The following THADA variants were observed in gnomAD, a reference collection of about 807,000 sequenced individuals.
THADA encodes the protein THADA armadillo repeat containing.
THADA carries 213 observed loss-of-function variants against 219.8 expected under a neutral mutation model. The observed-to-expected ratio is 0.97, with a 90% CI of 0.87 to 1.09. The LOEUF is 1.09. Among genes scored for constraint, THADA ranks in the 50% least tolerant of loss-of-function variants. The pLI is 0.00. For missense variants in THADA, 2,956 were observed against 2,311.3 expected, an observed-to-expected ratio of 1.28 and a Z score of -5.72; for synonymous variants, 1,018 against 828.9, an observed-to-expected ratio of 1.23 and a Z score of -3.92.
At chr2:43,380,409 T>A (rs1398363912) in intron 29 of THADA, among the ~76,000 whole-genome samples, 1 of 152,096 alleles carries the variant, frequency 6.6e-6, no homozygotes, top group Non-Finnish European at 1.5e-5. Context: ...AATAAATAAA[T>A]GAGTAGTAGA....
In THADA at chr2:43,323,404, A is replaced by AC. The variant is rs1166572175; in HGVS notation, c.4344-2865dup. On this transcript the variant is annotated intron_variant, in intron 30 of 37. Transcript: ENST00000405975. ...TGCCCCTATCTTTTGTCTCTAGTTT[A>AC]CCCTGGGACTCTCAATCGTAACTTT... Among the ~76,000 whole-genome samples the AC allele has an allele frequency of 2.6e-5, 4 of 152,188 alleles. 1 individual carries two copies. Among genetic ancestry groups the AC allele is most frequent in the African/African-American group, 9.6e-5 (4 of 41,514 alleles).
chr2:43,533,815 G>C (rs2103766994), intron 21 of THADA, among the ~76,000 whole-genome samples: 1 of 152,128 alleles, frequency 6.6e-6, no homozygotes, highest in African/African-American at 2.4e-5. Context: ...CTAGATGACA[G>C]GTTGATAGGT....
At chr2:43,528,641 T>C (rs1217460971) in intron 21 of THADA, among the ~76,000 whole-genome samples, 1 of 152,194 alleles carries the variant, frequency 6.6e-6, no homozygotes, top group Non-Finnish European at 1.5e-5. Flanking sequence ...ACTGCTACAC[T>C]AGAACTGCCT....
rs1667389404 is a variant in THADA, at chr2:43,231,326, CAGGT to C, written c.5480_5483del (p.Tyr1827CysfsTer14). On this transcript the variant is annotated frameshift_variant, in exon 38 of 38. Transcript: ENST00000405975. LOFTEE classifies it low-confidence loss of function (END_TRUNC). The stretch of plus-strand genomic sequence containing the variant: ...AAAAGTTGACTTCTGCTTTTTCAAA[CAGGT>C]AGTCTTCTTCCACCTAAATCAGATG... 6.4e-7 allele frequency: 1 copy of C among 1,551,552 alleles called. No individual in the cohort carries two copies. Among genetic ancestry groups the C allele is most frequent in the Non-Finnish European group, 8.7e-7 (1 of 1,153,498 alleles).
intron 11 of THADA, among the ~76,000 whole-genome samples, chr2:43,573,979 TA>T (rs1247282575): frequency 3.3e-5 from 5 of 152,234 alleles, no homozygotes; most frequent in African/African-American, 9.6e-5. Flanking sequence ...ACACAATTTT[TA>T]ATTATTGTCT....
chr2:43,586,076 G>A (rs1399228405), intron 7 of THADA, among the ~76,000 whole-genome samples: 1 of 151,946 alleles, frequency 6.6e-6, no homozygotes, highest in Non-Finnish European at 1.5e-5. Context: ...ACCAGCCTGG[G>A]CAACATAGTG....
intron 28 of THADA, among the ~76,000 whole-genome samples, chr2:43,412,434 C>T (rs1485599119): frequency 6.6e-6 from 1 of 152,138 alleles, no homozygotes; most frequent in Non-Finnish European, 1.5e-5. Flanking sequence ...ATTAAACAAT[C>T]TGGATCACTT....
chr2:43,271,846 C>T (rs185154776), intron 36 of THADA, among the ~76,000 whole-genome samples: 13 of 152,276 alleles, frequency 8.5e-5, no homozygotes, highest in Admixed American at 4.6e-4. Context: ...AACTCCTGAC[C>T]TCAGGTGATC....
intron 7 of THADA, among the ~76,000 whole-genome samples, chr2:43,586,194 G>A (rs1701006793): frequency 6.6e-6 from 1 of 152,142 alleles, no homozygotes; most frequent in Non-Finnish European, 1.5e-5. Flanking sequence ...GAGCCCAGGA[G>A]GTTGAGGCTG....
chr2:43,441,741 C>A (rs1680869478), intron 26 of THADA, among the ~76,000 whole-genome samples: 1 of 152,198 alleles, frequency 6.6e-6, no homozygotes, highest in Non-Finnish European at 1.5e-5. Flanking sequence ...GGTCTGTAAT[C>A]TAGCCTTACT....
intron 21 of THADA, among the ~76,000 whole-genome samples, chr2:43,534,848 T>G (rs1694341703): frequency 6.6e-6 from 1 of 152,150 alleles, no homozygotes. Context: ...TCCTTCTCCT[T>G]GGATAAATGC....
chr2:43,234,304 G>A (rs1262101575), intron 36 of THADA, among the ~76,000 whole-genome samples: 2 of 152,220 alleles, frequency 1.3e-5, no homozygotes, highest in South Asian at 2.1e-4. Context: ...AGTAGGGCCA[G>A]GACTATTCAG....
intron 26 of THADA, among the ~76,000 whole-genome samples, chr2:43,452,200 A>G (rs1211450594): frequency 6.6e-6 from 1 of 152,206 alleles, no homozygotes; most frequent in East Asian, 1.9e-4. Context: ...CAATATTCTC[A>G]AATAATTTTT....
intron 26 of THADA, among the ~76,000 whole-genome samples, chr2:43,458,514 A>G (rs1425346889): frequency 3.9e-5 from 6 of 152,204 alleles, no homozygotes; most frequent in Non-Finnish European, 7.3e-5. Context: ...CAAATGAGAT[A>G]AGAGATCTGC....
intron 22 of THADA, among the ~76,000 whole-genome samples, chr2:43,526,729 T>C (rs1693215196): frequency 6.6e-6 from 1 of 152,316 alleles, no homozygotes; most frequent in East Asian, 1.9e-4. Flanking sequence ...ACATACCTTT[T>C]GTTAAATATT....
At chr2:43,493,063 T>A (rs1300312112) in intron 25 of THADA, among the ~76,000 whole-genome samples, 1 of 152,176 alleles carries the variant, frequency 6.6e-6, no homozygotes, top group African/African-American at 2.4e-5. Context: ...GAGATGCTGG[T>A]GCCAACAGAG....
chr2:43,593,721 C>T (rs1251421720), intron 1 of THADA, among the ~76,000 whole-genome samples: 1 of 151,304 alleles, frequency 6.6e-6, no homozygotes, highest in African/African-American at 2.4e-5. Context: ...GCAAGCTCAG[C>T]CTCCTGGGTT....
chr2:43,364,961 T>C (rs937862983), intron 29 of THADA, among the ~76,000 whole-genome samples: 1 of 151,556 alleles, frequency 6.6e-6, no homozygotes, highest in Non-Finnish European at 1.5e-5. Context: ...TCTCATCTTT[T>C]TTTTTTTTTT....
At chr2:43,576,040 C>G (rs1699820598) in intron 10 of THADA, among the ~76,000 whole-genome samples, 2 of 151,836 alleles carry the variant, frequency 1.3e-5, no homozygotes, top group Admixed American at 1.3e-4. Context: ...CATGTAGAAA[C>G]TTTTATAGTT....
Sources: gnomAD v4.1 joint callset for allele counts (sites outside exome capture counted in the v4.1 genomes callset) on GRCh38, gnomAD v4.1.1 for gene constraint, MANE v1.5 for transcripts, NCBI Gene and HGNC (gene_info 2026-07-23, HGNC 2026-07-21) for gene names.